GRID2: variants seen among roughly 807,000 people sequenced by gnomAD.
GRID2 encodes the protein glutamate receptor ionotropic, delta-2.
GRID2 carries 33 observed loss-of-function variants against 114.8 expected under a neutral mutation model. The observed-to-expected ratio is 0.29, with a 90% confidence interval of 0.22 to 0.38. GRID2 has a LOEUF of 0.38. Ranked by LOEUF, GRID2 falls within the 10% of genes least tolerant of loss-of-function variation. The probability of loss-of-function intolerance (pLI) is 1.00; values close to 1 mark genes in which losing one functional copy is unlikely to be tolerated. For synonymous variants in GRID2, 505 were observed against 449.9 expected, an observed-to-expected ratio of 1.12 and a Z score of -1.55; for missense variants, 1,184 against 1,257.7, an observed-to-expected ratio of 0.94 and a Z score of 0.89.
rs116201480 is a variant in GRID2, at chr4:93,655,988, A to G, written c.2360+29553A>G. Among the ~76,000 whole-genome samples, 836 of 151,970 alleles carry G rather than the reference A, an allele frequency of 5.5e-3. 8 individuals are homozygous for G. Among genetic ancestry groups the G allele is most frequent in the African/African-American group, 0.02 (811 of 41,474 alleles). ...TATATTAAAAGCAATACCTTGTTGA[A>G]TATTAAAATGCTGAGATACTTAAAA... is the stretch of plus-strand genomic sequence containing the variant. On this transcript the variant is annotated intron_variant, in intron 14 of 15. Coordinates refer to ENST00000282020, the MANE Select transcript of GRID2 (RefSeq NM_001510.4).
intron 13 of GRID2, among the ~76,000 whole-genome samples, chr4:93,584,800 G>T (rs1254940648): frequency 6.6e-6 from 1 of 152,018 alleles, no homozygotes; most frequent in African/African-American, 2.4e-5. Flanking sequence ...ATCCTTTACA[G>T]ATTTTTTTAA....
chr4:93,095,973 A>T (rs1731192391), intron 3 of GRID2, among the ~76,000 whole-genome samples: 1 of 152,004 alleles, frequency 6.6e-6, no homozygotes, highest in Non-Finnish European at 1.5e-5. Flanking sequence ...ATTGGATGAA[A>T]TATTTTACCT....
intron 2 of GRID2, among the ~76,000 whole-genome samples, chr4:92,599,033 T>C (rs1031055225): frequency 1.1e-4 from 16 of 148,440 alleles, no homozygotes. Context: ...TTTTCCTTTT[T>C]TTTTTTTTTT....
intron 15 of GRID2, among the ~76,000 whole-genome samples, chr4:93,769,889 T>A: frequency 6.6e-6 from 1 of 152,180 alleles, no homozygotes; most frequent in East Asian, 1.9e-4. Context: ...TGATCAGAAT[T>A]TTCTCTTCAC....
At chr4:92,764,680 A>C (rs899544742) in intron 2 of GRID2, among the ~76,000 whole-genome samples, 1 of 152,198 alleles carries the variant, frequency 6.6e-6, no homozygotes, top group African/African-American at 2.4e-5. Flanking sequence ...ATTAATGTTT[A>C]TCTCTCTTCT....
At chr4:92,918,147 CTGTT>C (rs1173105116) in intron 2 of GRID2, among the ~76,000 whole-genome samples, 2 of 152,058 alleles carry the variant, frequency 1.3e-5, no homozygotes, top group Non-Finnish European at 2.9e-5. Flanking sequence ...ATTTGGCTCT[CTGTT>C]TGTCTGTTAT....
intron 2 of GRID2, among the ~76,000 whole-genome samples, chr4:93,014,365 AG>A (rs1295601697): frequency 6.6e-6 from 1 of 152,136 alleles, no homozygotes; most frequent in African/African-American, 2.4e-5. Context: ...CATTCTTAGC[AG>A]AGGGAAATGT....
At chr4:93,667,265 T>G (rs1198971001) in intron 14 of GRID2, among the ~76,000 whole-genome samples, 2 of 151,958 alleles carry the variant, frequency 1.3e-5, no homozygotes, top group African/African-American at 4.8e-5. Flanking sequence ...AAAGAAATGG[T>G]GTGCTTAAAT....
intron 11 of GRID2, among the ~76,000 whole-genome samples, chr4:93,472,168 T>C (rs1724904067): frequency 6.6e-6 from 1 of 151,168 alleles, no homozygotes; most frequent in Non-Finnish European, 1.5e-5. Flanking sequence ...CTACTATAAA[T>C]ACAAAATTAG....
intron 1 of GRID2, among the ~76,000 whole-genome samples, chr4:92,534,799 C>G (rs1725528862): frequency 2.0e-5 from 3 of 151,990 alleles, no homozygotes; most frequent in Admixed American, 2.0e-4. Flanking sequence ...TTAATATTTT[C>G]CCACCTTTAT....
chr4:92,718,862 CT>C (rs751383248), intron 2 of GRID2, among the ~76,000 whole-genome samples: 1 of 149,702 alleles, frequency 6.7e-6, no homozygotes, highest in Non-Finnish European at 1.5e-5. Flanking sequence ...ATCTTCTGAA[CT>C]TAAAGAATTT....
chr4:92,399,671 A>C (rs202213030), intron 1 of GRID2, among the ~76,000 whole-genome samples: 3,114 of 148,768 alleles, frequency 0.021, 32 homozygotes, highest in Middle Eastern at 0.043. Context: ...CTCTCTATAT[A>C]TATATATATA....
chr4:93,056,896 A>T (rs1024091261), intron 2 of GRID2, among the ~76,000 whole-genome samples: 2 of 152,056 alleles, frequency 1.3e-5, no homozygotes, highest in African/African-American at 4.8e-5. Flanking sequence ...CCTTTCTTTT[A>T]AATTTTGCCA....
chr4:93,656,852 AAAAAAC>A (rs1723060720), intron 14 of GRID2, among the ~76,000 whole-genome samples: 10 of 148,382 alleles, frequency 6.7e-5, no homozygotes, highest in Admixed American at 6.0e-4. Flanking sequence ...AAAAAAAAAA[AAAAAAC>A]AAATAATTCC....
At chr4:93,679,622 A>T (rs1273849588) in intron 14 of GRID2, among the ~76,000 whole-genome samples, 4 of 150,982 alleles carry the variant, frequency 2.6e-5, no homozygotes, top group Admixed American at 2.0e-4. Flanking sequence ...GGATTAAGAA[A>T]CTCACTCAAA....
intron 2 of GRID2, among the ~76,000 whole-genome samples, chr4:92,626,025 T>G (rs1730504798): frequency 6.6e-6 from 1 of 152,098 alleles, no homozygotes; most frequent in South Asian, 2.1e-4. Context: ...GATATCCTAA[T>G]TTTCACTTGC....
At chr4:92,930,552 A>G (rs913927210) in intron 2 of GRID2, among the ~76,000 whole-genome samples, 3 of 146,430 alleles carry the variant, frequency 2.0e-5, no homozygotes, top group Non-Finnish European at 4.5e-5. Flanking sequence ...AATTGGAAAG[A>G]TTCTTTATCT....
chr4:92,756,153 A>G (rs1349616681), intron 2 of GRID2, among the ~76,000 whole-genome samples: 2 of 152,058 alleles, frequency 1.3e-5, no homozygotes, highest in African/African-American at 2.4e-5. Flanking sequence ...CCTCCATGAG[A>G]TCAACTTTTT....
At chr4:93,301,909 G>A (rs1389051674) in intron 8 of GRID2, among the ~76,000 whole-genome samples, 1 of 151,990 alleles carries the variant, frequency 6.6e-6, no homozygotes, top group Non-Finnish European at 1.5e-5. Flanking sequence ...CAGGAAATTC[G>A]ACAAATTTCT....
Sources: gnomAD v4.1 joint callset for allele counts (sites outside exome capture counted in the v4.1 genomes callset) on GRCh38, gnomAD v4.1.1 for gene constraint, MANE v1.5 for transcripts, NCBI Gene and HGNC (gene_info 2026-07-23, HGNC 2026-07-21) for gene names.